Variants in UNC13C observed in about 807,000 individuals in gnomAD.
UNC13C encodes protein unc-13 homolog C.
Under a neutral mutation model 245.4 loss-of-function variants are expected in UNC13C, and 174 were observed. The observed-to-expected ratio is 0.71, with a 90% CI of 0.63 to 0.80. The LOEUF is 0.80. UNC13C is among the 30% of genes least tolerant of loss of function. The probability of loss-of-function intolerance (pLI) is 0.00; values close to 1 mark genes in which losing one functional copy is unlikely to be tolerated. For missense variants in UNC13C, 2,829 were observed against 2,602.9 expected (o/e 1.09, Z -1.89); for synonymous variants, 992 against 895.1 (o/e 1.11, Z -1.93).
chr15:54,300,672 A>G (rs945621751), intron 13 of UNC13C, among the ~76,000 whole-genome samples: 29 of 152,170 alleles, frequency 1.9e-4, no homozygotes, highest in Admixed American at 3.3e-4. Flanking sequence ...AGACCTACTG[A>G]ATCAGAAACT....
intron 27 of UNC13C, 92 bp downstream of exon 27, chr15:54,546,937 C>T (rs1214573741): frequency 7.7e-6 from 9 of 1,163,884 alleles, no homozygotes; most frequent in African/African-American, 1.7e-5. Flanking sequence ...CTAATTAAAT[C>T]CCTTTGGGGA....
intron 14 of UNC13C, among the ~76,000 whole-genome samples, chr15:54,331,498 C>T (rs1009774263): frequency 6.6e-5 from 10 of 151,980 alleles, no homozygotes; most frequent in Non-Finnish European, 1.2e-4. Context: ...CCTTTAAAAG[C>T]AATTGATCCT....
At chr15:54,556,282 C>A (rs1194383587) in intron 29 of UNC13C, among the ~76,000 whole-genome samples, 2 of 152,078 alleles carry the variant, frequency 1.3e-5, no homozygotes, top group Non-Finnish European at 2.9e-5. Flanking sequence ...ACTAACTATA[C>A]TGTAACTGTT....
intron 4 of UNC13C, among the ~76,000 whole-genome samples, chr15:54,217,333 GT>G: frequency 6.6e-6 from 1 of 152,060 alleles, no homozygotes; most frequent in Non-Finnish European, 1.5e-5. Context: ...CAGAGCTAAG[GT>G]GCCAACCAAG....
At chr15:54,274,578 T>C in intron 10 of UNC13C, among the ~76,000 whole-genome samples, 1 of 150,554 alleles carries the variant, frequency 6.6e-6, no homozygotes, top group Admixed American at 6.6e-5. Flanking sequence ...CACATAAATA[T>C]CCACTTAAAG....
In UNC13C at chr15:53,978,602, A is replaced by C. The variant is rs1595672146; in HGVS notation, c.-582A>C. Among the ~76,000 whole-genome samples the C allele has an allele frequency of 6.6e-6, 1 of 152,158 alleles. No individual in the cohort carries two copies. The highest frequency in any genetic ancestry group is 6.5e-5 in the Admixed American group (1 of 15,286). On this transcript the variant is annotated 5_prime_UTR_variant, in exon 1 of 33. Coordinates refer to ENST00000260323, the MANE Select transcript of UNC13C (RefSeq NM_001080534.3). The stretch of plus-strand genomic sequence containing the variant: ...AAAGAGATGAGAAATGAGCCGCGGA[A>C]GGTATTTGGCAATGAGAAGAGTGAA...
intron 19 of UNC13C, among the ~76,000 whole-genome samples, chr15:54,466,385 C>T (rs2141034979): frequency 6.6e-6 from 1 of 151,860 alleles, no homozygotes; most frequent in Non-Finnish European, 1.5e-5. Context: ...TTTCAATTAC[C>T]CTGATTTGAT....
At chr15:54,577,038 C>A (rs1324151469) in intron 30 of UNC13C, among the ~76,000 whole-genome samples, 1 of 152,066 alleles carries the variant, frequency 6.6e-6, no homozygotes, top group African/African-American at 2.4e-5. Context: ...TGGTCCTGTT[C>A]TAGACACTGG....
chr15:54,391,584 C>T (rs2039957760), intron 17 of UNC13C, among the ~76,000 whole-genome samples: 1 of 152,062 alleles, frequency 6.6e-6, no homozygotes, highest in African/African-American at 2.4e-5. Flanking sequence ...ATCATATATA[C>T]ATACTTCTTA....
chr15:54,053,914 T>A (rs1897382892), intron 2 of UNC13C, among the ~76,000 whole-genome samples: 1 of 152,306 alleles, frequency 6.6e-6, no homozygotes, highest in East Asian at 1.9e-4. Flanking sequence ...GTGCCTGGCT[T>A]ATTTCACTTA....
At chr15:54,313,446 A>G (rs1472723060) in intron 13 of UNC13C, among the ~76,000 whole-genome samples, 1 of 151,848 alleles carries the variant, frequency 6.6e-6, no homozygotes, top group Non-Finnish European at 1.5e-5. Context: ...CTGGATATAT[A>G]TCTTAAATTT....
intron 17 of UNC13C, among the ~76,000 whole-genome samples, chr15:54,373,702 G>A (rs1389273875): frequency 6.6e-6 from 1 of 152,216 alleles, no homozygotes; most frequent in African/African-American, 2.4e-5. Context: ...AAGGGCTGCA[G>A]CTCTTCTCTT....
At chr15:54,449,194 G>A (rs954586889) in intron 19 of UNC13C, among the ~76,000 whole-genome samples, 3 of 152,086 alleles carry the variant, frequency 2.0e-5, no homozygotes, top group Admixed American at 6.6e-5. Flanking sequence ...TTTTCTCTCT[G>A]GCTGCCCTTA....
chr15:54,632,282 C>A (rs1901469551), downstream of UNC13C: 1 of 152,132 alleles, frequency 6.6e-6, no homozygotes, highest in South Asian at 2.1e-4. Context: ...CGTGGCTAGT[C>A]TTTTCATTTT....
At chr15:54,590,956 A>G (rs557964381) in intron 30 of UNC13C, among the ~76,000 whole-genome samples, 1 of 152,280 alleles carries the variant, frequency 6.6e-6, no homozygotes, top group South Asian at 2.1e-4. Context: ...TATTACATTA[A>G]GGTATTTCCC....
chr15:54,407,288 G>C (rs1042612608), intron 18 of UNC13C, among the ~76,000 whole-genome samples: 3 of 152,144 alleles, frequency 2.0e-5, no homozygotes, highest in Non-Finnish European at 4.4e-5. Flanking sequence ...TAGGAACAGG[G>C]AAGAGAGAGG....
chr15:54,239,826 G>C (rs2035805284), intron 7 of UNC13C, among the ~76,000 whole-genome samples: 1 of 152,208 alleles, frequency 6.6e-6, no homozygotes, highest in African/African-American at 2.4e-5. Flanking sequence ...AGACAAAGCA[G>C]ACATCCTCTG....
At chr15:53,925,397 A>G in the UNC13C span, among the ~76,000 whole-genome samples, 1 of 152,220 alleles carries the variant, frequency 6.6e-6, no homozygotes, top group Non-Finnish European at 1.5e-5. Context: ...GTTTGGCAAC[A>G]CAGCCTGTCC....
chr15:54,313,319 A>G (rs1031457510), intron 13 of UNC13C, among the ~76,000 whole-genome samples: 1 of 151,784 alleles, frequency 6.6e-6, no homozygotes, highest in African/African-American at 2.4e-5. Context: ...TGTACACTCT[A>G]ACTCTACATC....
Sources: gnomAD v4.1 joint callset for allele counts (sites outside exome capture counted in the v4.1 genomes callset) on GRCh38, gnomAD v4.1.1 for gene constraint, MANE v1.5 for transcripts, NCBI Gene and HGNC (gene_info 2026-07-23, HGNC 2026-07-21) for gene names.